Variants in ROCK1 observed in about 807,000 individuals in gnomAD.
ROCK1 encodes Rho associated coiled-coil containing protein kinase 1.
A neutral mutation model predicts 196.8 loss-of-function variants in ROCK1; 36 were observed. The observed-to-expected ratio is 0.18, with a 90% CI of 0.14 to 0.24. The LOEUF is 0.24. ROCK1 is among the 10% of genes least tolerant of loss of function. ROCK1 has a pLI of 1.00. For missense variants in ROCK1, 920 were observed against 1,562.0 expected (o/e 0.59, Z 6.93); for synonymous variants, 443 against 515.9 (o/e 0.86, Z 1.91).
chr18:21,017,102 A>G (rs2143456379), intron 12 of ROCK1, among the ~76,000 whole-genome samples: 1 of 151,880 alleles, frequency 6.6e-6, no homozygotes, highest in East Asian at 1.9e-4. Flanking sequence ...CTGATCTCTG[A>G]CAAAACAGTA....
chr18:20,958,861 A>AAC (rs1555743022), intron 29 of ROCK1, among the ~76,000 whole-genome samples: 1 of 120,816 alleles, frequency 8.3e-6, no homozygotes, highest in Non-Finnish European at 1.6e-5. Context: ...ATAGTTATAA[A>AAC]ATATATATAT....
intron 27 of ROCK1, among the ~76,000 whole-genome samples, chr18:20,962,267 T>C (rs991134080): frequency 6.6e-5 from 10 of 152,146 alleles, no homozygotes; most frequent in Non-Finnish European, 1.5e-4. Flanking sequence ...TGCCAGAAAT[T>C]TTCCCATTAG....
At chr18:20,972,043 G>A (rs1194514185) in intron 22 of ROCK1, among the ~76,000 whole-genome samples, 5 of 152,154 alleles carry the variant, frequency 3.3e-5, no homozygotes, top group East Asian at 1.9e-4. Context: ...AGATCAGACA[G>A]TAGGGGGACA....
At chr18:21,081,708 T>C (rs1371527808) in intron 1 of ROCK1, among the ~76,000 whole-genome samples, 1 of 152,158 alleles carries the variant, frequency 6.6e-6, no homozygotes, top group African/African-American at 2.4e-5. Context: ...CAAATAATTG[T>C]AATAGAATAT....
intron 18 of ROCK1, among the ~76,000 whole-genome samples, chr18:20,990,525 C>G (rs1198745409): frequency 1.3e-5 from 2 of 151,132 alleles, no homozygotes; most frequent in African/African-American, 4.9e-5. Flanking sequence ...GAAACGCTGT[C>G]TCTACTAAAA....
chr18:21,028,093 A>G lies in ROCK1; in HGVS notation c.1211+683T>C, dbSNP rs193002588. On this transcript the variant is annotated intron_variant, in intron 10 of 32. Transcript: ENST00000399799. ...TTTTTGAAGAGCTAAAAATTGATAC[A>G]GCATCAATATGGTGATGATAATGCT... Among the ~76,000 whole-genome samples the G allele has an allele frequency of 3.5e-3, 532 of 150,274 alleles. 26 individuals are homozygous for G. Among genetic ancestry groups the G allele is most frequent in the Admixed American group, 0.031 (468 of 15,162 alleles).
At chr18:21,104,107 T>C (rs377438728) in intron 1 of ROCK1, among the ~76,000 whole-genome samples, 2 of 152,210 alleles carry the variant, frequency 1.3e-5, no homozygotes, top group South Asian at 2.1e-4. Flanking sequence ...TAGAACTCTA[T>C]ATATAATATT....
At position 20,979,950 on chromosome 18, in the gene ROCK1, T is replaced by C. The variant is rs2035515516; in HGVS notation, c.2614A>G (p.Arg872Gly). Reference sequence around the variant, plus strand: ...TCCTGTATTTTCTTTAAATTTTCTCTGTTTTTTTCTTCAATTTCTTCTTTA... The same window carrying C: ...TCCTGTATTTTCTTTAAATTTTCTCCGTTTTTTTCTTCAATTTCTTCTTTA... ...ELKEEIEEKN[R>G]ENLKKIQELQ... Residue 872 changes from arginine to glycine, a missense_variant, in exon 22 of 33, where the codon AGA (arginine) becomes GGA (glycine). Physicochemically the swap from Arg to Gly is moderately radical, Grantham distance 125. Around this residue, in one of 6 missense-constraint regions of ROCK1, gnomAD observed 520 missense variants for 657.1 expected, o/e 0.79. Coordinates refer to ENST00000399799, the MANE Select transcript of ROCK1 (RefSeq NM_005406.3). The C allele has an allele frequency of 6.5e-7, 1 of 1,548,272 alleles. No individual in the cohort carries two copies. Among genetic ancestry groups the C allele is most frequent in the African/African-American group, 1.4e-5 (1 of 72,908 alleles).
chr18:21,089,441 C>A (rs1246918414), intron 1 of ROCK1, among the ~76,000 whole-genome samples: 1 of 152,198 alleles, frequency 6.6e-6, no homozygotes, highest in East Asian at 1.9e-4. Flanking sequence ...TAATAGAAGA[C>A]AACTGGACAC....
chr18:21,027,361 C>T (rs2035967433), intron 10 of ROCK1, among the ~76,000 whole-genome samples: 1 of 152,184 alleles, frequency 6.6e-6, no homozygotes, highest in African/African-American at 2.4e-5. Flanking sequence ...CAATTTGGTG[C>T]TCAGTATATA....
intron 2 of ROCK1, among the ~76,000 whole-genome samples, chr18:21,055,987 G>C (rs1444385684): frequency 1.3e-5 from 2 of 152,074 alleles, no homozygotes; most frequent in African/African-American, 4.8e-5. Flanking sequence ...ACTCTCTCCT[G>C]ATACACTTTC....
At chr18:20,978,541 G>GT (rs1413103121) in intron 22 of ROCK1, among the ~76,000 whole-genome samples, 1 of 152,074 alleles carries the variant, frequency 6.6e-6, no homozygotes, top group Non-Finnish European at 1.5e-5. Flanking sequence ...TTAATTTTAC[G>GT]TAATTGAATT....
At chr18:20,963,756 T>C (rs146717894) in intron 27 of ROCK1, among the ~76,000 whole-genome samples, 11 of 152,292 alleles carry the variant, frequency 7.2e-5, no homozygotes, top group Admixed American at 3.9e-4. Flanking sequence ...TTAAAGTTTT[T>C]TGTCATCTAG....
intron 9 of ROCK1, among the ~76,000 whole-genome samples, chr18:21,033,965 C>A (rs1170448394): frequency 1.5e-5 from 2 of 135,350 alleles, no homozygotes; most frequent in Admixed American, 1.6e-4. Flanking sequence ...ACCCTGGAGG[C>A]GGAGCTTGCC....
intron 2 of ROCK1, among the ~76,000 whole-genome samples, chr18:21,057,576 C>A (rs755478565): frequency 2.1e-4 from 32 of 152,298 alleles, no homozygotes; most frequent in Non-Finnish European, 4.0e-4. Flanking sequence ...AATCCCAGCA[C>A]TTCAGGAGGC....
intron 2 of ROCK1, among the ~76,000 whole-genome samples, chr18:21,056,290 T>C (rs2036244578): frequency 6.6e-6 from 1 of 152,202 alleles, no homozygotes; most frequent in Non-Finnish European, 1.5e-5. Context: ...ATATCCTCTT[T>C]TGAAAAACAT....
chr18:21,087,662 T>C (rs897404459), intron 1 of ROCK1, among the ~76,000 whole-genome samples: 21 of 151,596 alleles, frequency 1.4e-4, no homozygotes, highest in African/African-American at 5.1e-4. Flanking sequence ...ACAACAGAAC[T>C]GCAACACAAG....
At chr18:20,993,359 G>A (rs575438875) in intron 16 of ROCK1, among the ~76,000 whole-genome samples, 2 of 152,176 alleles carry the variant, frequency 1.3e-5, no homozygotes, top group South Asian at 2.1e-4. Flanking sequence ...CCTGCCACCA[G>A]GCCCGGCTAA....
chr18:21,039,498 T>C lies in ROCK1; in HGVS notation c.1025A>G (p.Gln342Arg). 2.5e-6 allele frequency: 4 copies of C among 1,613,804 alleles called. No homozygotes were observed. Among genetic ancestry groups the C allele is most frequent in the Non-Finnish European group, 3.4e-6 (4 of 1,179,870 alleles). Reference protein sequence around the residue: ...IKRHLFFKNDQWAWETLRDTV... With the variant: ...IKRHLFFKNDRWAWETLRDTV... Reference sequence around the variant, plus strand: ...GTCTCGGAGCGTTTCCCAAGCCCACTGGTCATTTTTGAAGAAGAGATGTCG... The same window carrying C: ...GTCTCGGAGCGTTTCCCAAGCCCACCGGTCATTTTTGAAGAAGAGATGTCG... The change falls in exon 9 of 33, where the codon CAG (glutamine) becomes CGG (arginine). Residue 342 changes from glutamine (Q) to arginine (R), a missense_variant. Physicochemically the swap from Gln to Arg is conservative, Grantham distance 43 (BLOSUM62 1). Around this residue, in one of 6 missense-constraint regions of ROCK1, gnomAD observed 234 missense variants for 460.7 expected, o/e 0.51. Coordinates refer to ENST00000399799, the MANE Select transcript of ROCK1 (RefSeq NM_005406.3).
Sources: gnomAD v4.1 joint callset for allele counts (sites outside exome capture counted in the v4.1 genomes callset) on GRCh38, gnomAD v4.1.1 for gene constraint, gnomAD v4.1.1 regional missense constraint, MANE v1.5 for transcripts, NCBI Gene and HGNC (gene_info 2026-07-23, HGNC 2026-07-21) for gene names.